ITPKC: variants seen among roughly 807,000 people sequenced by gnomAD.
ITPKC encodes the protein IP3 3-kinase C.
A neutral mutation model predicts 67.1 loss-of-function variants in ITPKC; 33 were observed. That is an observed-to-expected ratio of 0.49 (90% CI 0.37 to 0.66). The LOEUF (loss-of-function observed/expected upper bound fraction) is 0.66, where lower values mean the gene tolerates loss of function less well. ITPKC is among the 30% of genes least tolerant of loss of function. The pLI, the probability that ITPKC is intolerant of heterozygous loss-of-function variation, is 0.00. For missense variants in ITPKC, 820 were observed against 892.1 expected (o/e 0.92, Z 1.03); for synonymous variants, 341 against 359.8 (o/e 0.95, Z 0.59).
At chr19:40,727,486 TG>T (rs2082251765) in intron 2 of ITPKC, among the ~76,000 whole-genome samples, 1 of 152,204 alleles carries the variant, frequency 6.6e-6, no homozygotes, top group African/African-American at 2.4e-5. Context: ...TCAGACAGGA[TG>T]GCAGGGATGG....
intron 6 of ITPKC, 86 bp from the exon 7 acceptor site, chr19:40,739,271 G>T: frequency 1.0e-6 from 1 of 968,094 alleles, no homozygotes; most frequent in Non-Finnish European, 1.6e-6. Context: ...GGTTCATGCT[G>T]TCAATCACCC....
At chr19:40,721,282 G>T (rs992682085) in intron 1 of ITPKC, among the ~76,000 whole-genome samples, 1 of 152,014 alleles carries the variant, frequency 6.6e-6, no homozygotes, top group African/African-American at 2.4e-5. Context: ...ATCAGAGAGG[G>T]CTTCCTGGAG....
intron 2 of ITPKC, among the ~76,000 whole-genome samples, chr19:40,728,463 C>T (rs988486586): frequency 8.5e-5 from 13 of 152,184 alleles, no homozygotes; most frequent in Non-Finnish European, 1.0e-4. Flanking sequence ...AATCTATACA[C>T]TCTGCGTGGT....
intron 3 of ITPKC, among the ~76,000 whole-genome samples, chr19:40,731,998 G>A (rs2082273197): frequency 6.6e-6 from 1 of 151,582 alleles, no homozygotes; most frequent in South Asian, 2.1e-4. Context: ...AGCACTTTGG[G>A]AGGCCAAGGC....
chr19:40,722,919 G>A (rs2082228757), intron 1 of ITPKC, among the ~76,000 whole-genome samples: 1 of 151,858 alleles, frequency 6.6e-6, no homozygotes, highest in Admixed American at 6.6e-5. Flanking sequence ...TGGGACTACA[G>A]GTGCACACCA....
At position 40,733,276 on chromosome 19, in the gene ITPKC, A is replaced by C; in HGVS notation, c.1586A>C (p.Gln529Pro). Residue 529 changes from glutamine (Q) to proline (P), a missense_variant, in exon 4 of 7, where the codon CAG (glutamine) becomes CCG (proline). Gln to Pro is a moderately conservative substitution (Grantham distance 76). Transcript: ENST00000263370. ...PGAPTPEEHA[Q>P]GAVTKPRYMQ... ...GCCCCTACCCCTGAGGAGCATGCCC[A>C]GGGTGCAGTCACCAAGCCCCGCTAC... The C allele has an allele frequency of 1.2e-6, 2 of 1,614,110 alleles. No individual in the cohort carries two copies. The highest frequency in any genetic ancestry group is 1.7e-6 in the Non-Finnish European group (2 of 1,179,976).
intron 4 of ITPKC, among the ~76,000 whole-genome samples, chr19:40,733,775 C>T (rs910598815): frequency 6.6e-6 from 1 of 152,040 alleles, no homozygotes; most frequent in Non-Finnish European, 1.5e-5. Context: ...ATGAATAGGC[C>T]AGGCATGGTG....
rs141376937 is a variant in ITPKC, at chr19:40,730,521, T to G, written c.1469+1106T>G. Among the ~76,000 whole-genome samples, 613 of 152,270 alleles carry G rather than the reference T, an allele frequency of 4.0e-3. 4 individuals carry two copies. Among genetic ancestry groups the G allele is most frequent in the African/African-American group, 0.014 (596 of 41,558 alleles). On this transcript the variant is annotated intron_variant, in intron 3 of 6. Transcript: ENST00000263370. ...ATTATAGCTCACAGTAGCCTTGAAC[T>G]CCTGGGCTCAGGCGGTCCTTTCACC... is the stretch of plus-strand genomic sequence containing the variant.
chr19:40,735,141 ACTC>A (rs1179546002), intron 4 of ITPKC, among the ~76,000 whole-genome samples: 1 of 151,144 alleles, frequency 6.6e-6, no homozygotes, highest in Non-Finnish European at 1.5e-5. Flanking sequence ...CTGATCTTGA[ACTC>A]CTGGCCTCAA....
chr19:40,717,267 C>A lies in ITPKC; in HGVS notation c.132C>A (p.Pro44=), dbSNP rs1328529252. The A allele has an allele frequency of 7.1e-7, 1 of 1,399,312 alleles. No homozygotes were observed. Among genetic ancestry groups the A allele is most frequent in the Admixed American group, 3.2e-5 (1 of 31,714 alleles). The allele number at this position is 1,399,312 out of a possible 1,614,324, so 86.7% of individuals were successfully genotyped here. A position where few individuals can be genotyped will look rare whatever the true frequency, so the allele number is the denominator to read the frequency against. ...RRQPGQQRPG[P]GAGAPAGRPE... ...AGCCGGGACAGCAGCGACCTGGGCC[C>A]GGCGCAGGGGCCCCGGCGGGGCGGC... Residue 44 remains proline (P), a synonymous_variant, in exon 1 of 7, where the codon CCC becomes CCA. Transcript: ENST00000263370.
At position 40,723,384 on chromosome 19, in the gene ITPKC, G is replaced by A. The variant is rs113953401; in HGVS notation, c.1156-1956G>A. Among the ~76,000 whole-genome samples the A allele has an allele frequency of 2.2e-3, 328 of 152,226 alleles. 2 individuals are homozygous for A. The highest frequency in any genetic ancestry group is 7.6e-3 in the African/African-American group (315 of 41,540). On this transcript the variant is annotated intron_variant, in intron 1 of 6. Coordinates refer to ENST00000263370, the MANE Select transcript of ITPKC (RefSeq NM_025194.3). ...GTTGAGATTACAGGCGTAAGCCATC[G>A]TACCCGCTGCTTTTGTGGTTTCCTT... is the stretch of plus-strand genomic sequence containing the variant.
At chr19:40,739,144 A>G (rs541174052) in intron 6 of ITPKC, among the ~76,000 whole-genome samples, 2 of 152,328 alleles carry the variant, frequency 1.3e-5, no homozygotes, top group Admixed American at 1.3e-4. Context: ...GACTAACTGT[A>G]TTACTCTCAC....
At chr19:40,732,678 T>G (rs1056151346) in intron 3 of ITPKC, among the ~76,000 whole-genome samples, 2 of 152,120 alleles carry the variant, frequency 1.3e-5, no homozygotes, top group Non-Finnish European at 2.9e-5. Flanking sequence ...GTGAACCTCC[T>G]GCCTTGGCCT....
At chr19:40,737,635 C>G in intron 5 of ITPKC, 63 bp from the exon 6 acceptor site, 2 of 1,441,798 alleles carry the variant, frequency 1.4e-6, no homozygotes, top group Non-Finnish European at 2.0e-6. Context: ...GAGGTCAGAG[C>G]TCAAGGTGGG....
At chr19:40,720,956 G>C (rs1425635530) in intron 1 of ITPKC, among the ~76,000 whole-genome samples, 1 of 150,194 alleles carries the variant, frequency 6.7e-6, no homozygotes, top group Non-Finnish European at 1.5e-5. Context: ...TCTTTTTTTG[G>C]TAGGGATGGG....
At chr19:40,729,506 C>A in intron 3 of ITPKC, 91 bp downstream of exon 3, 1 of 1,130,712 alleles carries the variant, frequency 8.8e-7, no homozygotes, top group Non-Finnish European at 1.3e-6. Context: ...TGGCTCACGC[C>A]TGTAATCCCA....
Position 40,739,812 on chromosome 19 carries a change from A to G in ITPKC, c.*252A>G. On this transcript the variant is annotated 3_prime_UTR_variant, in exon 7 of 7. Coordinates refer to ENST00000263370, the MANE Select transcript of ITPKC (RefSeq NM_025194.3). ...GGTGATGAGGCAGTGAGTCAGAAAA[A>G]CCAGAACGGGGTCCCCGGATCTGCC... The G allele has an allele frequency of 3.7e-6, 2 of 538,440 alleles. No individual in the cohort carries two copies. The highest frequency in any genetic ancestry group is 2.3e-5 in the South Asian group (1 of 44,352). 33.4% of individuals were successfully genotyped at this position (538,440 alleles called of 1,614,324 possible). A position where few individuals can be genotyped will look rare whatever the true frequency, so the allele number is the denominator to read the frequency against.
In ITPKC at chr19:40,725,411, C is replaced by T; in HGVS notation, c.1227C>T (p.Tyr409=). The T allele has an allele frequency of 6.2e-7, 1 of 1,612,682 alleles. No individual in the cohort carries two copies. The highest frequency in any genetic ancestry group is 8.5e-7 in the Non-Finnish European group (1 of 1,178,604). The change falls in exon 2 of 7, where the codon TAC becomes TAT. Residue 409 remains tyrosine (Y), a synonymous_variant. Transcript: ENST00000263370. ...TTGTGGTCTCCTTCCGAAAACACTACCCTTGGGTCCAGCTTTCTGGACATG... is the reference window on the plus strand; with the variant it reads ...TTGTGGTCTCCTTCCGAAAACACTATCCTTGGGTCCAGCTTTCTGGACATG... The part of the protein sequence containing the change: ...SPFVVSFRKH[Y]PWVQLSGHAG...
intron 2 of ITPKC, among the ~76,000 whole-genome samples, chr19:40,726,030 C>T (rs548261900): frequency 7.8e-4 from 119 of 152,092 alleles, no homozygotes; most frequent in African/African-American, 2.7e-3. Context: ...CCCCTGAGGT[C>T]AGGAGTTTAA....
Sources: allele counts gnomAD v4.1 joint callset (sites outside exome capture counted in the v4.1 genomes callset), GRCh38; gene constraint gnomAD v4.1.1; transcripts MANE v1.5; gene names NCBI Gene and HGNC (gene_info 2026-07-23, HGNC 2026-07-21).